The following KCNIP4 variants were observed in gnomAD, a reference collection of about 807,000 sequenced individuals.
The protein encoded by KCNIP4 is Kv channel-interacting protein 4.
A neutral mutation model predicts 34.0 loss-of-function variants in KCNIP4; 12 were observed. The observed-to-expected ratio is 0.35, with a 90% confidence interval of 0.23 to 0.57. The LOEUF is 0.57. KCNIP4 is among the 20% of genes least tolerant of loss of function. The probability of loss-of-function intolerance (pLI) is 0.83; values close to 1 mark genes in which losing one functional copy is unlikely to be tolerated. For synonymous variants in KCNIP4, 124 were observed against 102.2 expected, an observed-to-expected ratio of 1.21 and a Z score of -1.29; for missense variants, 238 against 311.7, an observed-to-expected ratio of 0.76 and a Z score of 1.78.
At chr4:21,657,603 A>G (rs868024727) in intron 1 of KCNIP4, among the ~76,000 whole-genome samples, 17 of 152,276 alleles carry the variant, frequency 1.1e-4, no homozygotes, top group Non-Finnish European at 2.4e-4. Context: ...TGTTTCTTCT[A>G]CTCCACAATG....
At chr4:20,732,889 T>G in intron 6 of KCNIP4, 104 bp from the exon 7 acceptor site, 2 of 695,082 alleles carry the variant, frequency 2.9e-6, no homozygotes, top group Non-Finnish European at 4.8e-6. Flanking sequence ...TTTTTGACTT[T>G]TTGTTTGTTG....
intron 1 of KCNIP4, among the ~76,000 whole-genome samples, chr4:20,967,657 CT>C (rs1734502477): frequency 6.6e-6 from 1 of 152,146 alleles, no homozygotes; most frequent in Non-Finnish European, 1.5e-5. Flanking sequence ...TTTGACAAAC[CT>C]GACAGAAACA....
At chr4:20,827,407 G>C (rs1333141816) in intron 3 of KCNIP4, among the ~76,000 whole-genome samples, 2 of 152,100 alleles carry the variant, frequency 1.3e-5, no homozygotes, top group Non-Finnish European at 2.9e-5. Flanking sequence ...GTCTCTCTGG[G>C]AATGCACATC....
intron 1 of KCNIP4, among the ~76,000 whole-genome samples, chr4:20,969,995 G>A (rs917884284): frequency 6.6e-5 from 10 of 150,984 alleles, no homozygotes; most frequent in African/African-American, 2.4e-4. Flanking sequence ...AGGCTGGAGT[G>A]CAGTTGTGCC....
At chr4:21,904,936 A>T (rs928899649) in intron 1 of KCNIP4, among the ~76,000 whole-genome samples, 2 of 152,166 alleles carry the variant, frequency 1.3e-5, no homozygotes, top group African/African-American at 4.8e-5. Context: ...CTTGAAAATC[A>T]CTTAACATAG....
intron 1 of KCNIP4, among the ~76,000 whole-genome samples, chr4:21,516,083 G>T (rs915707971): frequency 2.0e-5 from 3 of 152,142 alleles, no homozygotes; most frequent in Non-Finnish European, 4.4e-5. Context: ...CAAGAAACTG[G>T]TTGATGAATG....
intron 1 of KCNIP4, among the ~76,000 whole-genome samples, chr4:21,606,662 C>T (rs184371411): frequency 7.9e-5 from 12 of 152,166 alleles, no homozygotes; most frequent in Non-Finnish European, 1.6e-4. Context: ...GGCACCATTT[C>T]GGCTCACTGC....
At chr4:21,266,852 C>T (rs1428023154) in intron 1 of KCNIP4, among the ~76,000 whole-genome samples, 1 of 152,078 alleles carries the variant, frequency 6.6e-6, no homozygotes, top group African/African-American at 2.4e-5. Context: ...CATAATTTGG[C>T]TATAGTGAGG....
Position 21,607,029 on chromosome 4 carries a change from C to CT in KCNIP4, c.61+341541dup, listed in dbSNP as rs200444774. On this transcript the variant is annotated intron_variant, in intron 1 of 8. Transcript: ENST00000382152. The stretch of plus-strand genomic sequence containing the variant: ...ATCTTAATGTCAGCTAATTAGCAAC[C>CT]TTTTTTTTTTTTTATAATGTAGCAA... Among the ~76,000 whole-genome samples the CT allele has an allele frequency of 3.9e-3, 577 of 148,530 alleles. 5 individuals are homozygous for CT. The highest frequency in any genetic ancestry group is 0.013 in the African/African-American group (517 of 40,376).
intron 1 of KCNIP4, among the ~76,000 whole-genome samples, chr4:21,203,048 T>A (rs189286589): frequency 6.6e-6 from 1 of 152,360 alleles, no homozygotes; most frequent in African/African-American, 2.4e-5. Context: ...AATACTTGGC[T>A]ACTCTCCTGA....
intron 1 of KCNIP4, among the ~76,000 whole-genome samples, chr4:21,739,808 T>C (rs1016205635): frequency 1.3e-5 from 2 of 152,038 alleles, no homozygotes; most frequent in African/African-American, 4.8e-5. Flanking sequence ...GTTTCTCTCA[T>C]TAAAATATAA....
At chr4:21,823,383 G>T (rs1287001186) in intron 1 of KCNIP4, among the ~76,000 whole-genome samples, 1 of 147,244 alleles carries the variant, frequency 6.8e-6, no homozygotes, top group African/African-American at 2.7e-5. Context: ...TGCTAGAGGG[G>T]TTACAGAAAA....
chr4:21,147,955 A>AAAAAAAAAAT (rs1752490250), intron 1 of KCNIP4, among the ~76,000 whole-genome samples: 1 of 138,946 alleles, frequency 7.2e-6, no homozygotes, highest in Non-Finnish European at 1.6e-5. Flanking sequence ...AAAAAAAAAA[A>AAAAAAAAAAT]AAAAAGAAAA....
In KCNIP4 at chr4:21,088,277, CT is replaced by C. The variant is rs542165772; in HGVS notation, c.62-205569del. On this transcript the variant is annotated intron_variant, in intron 1 of 8. Coordinates refer to ENST00000382152, the MANE Select transcript of KCNIP4 (RefSeq NM_025221.6). ...CTGAGGCGTCTTGTGGGAGGTAGAACTTTTAAAGCTAAAATTAAGTTAGTTG... is the reference window on the plus strand; with the variant it reads ...CTGAGGCGTCTTGTGGGAGGTAGAACTTTAAAGCTAAAATTAAGTTAGTTG... Among the ~76,000 whole-genome samples, 27 of 152,212 alleles carry C rather than the reference CT, an allele frequency of 1.8e-4. No homozygotes were observed. The South Asian group carries it at 5.4e-3, about 30-fold the overall frequency.
At chr4:20,739,883 G>C (rs184795137) in intron 5 of KCNIP4, among the ~76,000 whole-genome samples, 1 of 152,134 alleles carries the variant, frequency 6.6e-6, no homozygotes, top group South Asian at 2.1e-4. Flanking sequence ...AATAAACAGC[G>C]TAGAGAAGAC....
chr4:21,465,839 G>A (rs1729880357), intron 1 of KCNIP4, among the ~76,000 whole-genome samples: 1 of 152,192 alleles, frequency 6.6e-6, no homozygotes, highest in Admixed American at 6.5e-5. Flanking sequence ...TTACATGTGA[G>A]TTCTCAGCTA....
chr4:21,107,231 C>T (rs1227313869), intron 1 of KCNIP4, among the ~76,000 whole-genome samples: 1 of 145,776 alleles, frequency 6.9e-6, no homozygotes, highest in Non-Finnish European at 1.5e-5. Flanking sequence ...GTGTGGGAGT[C>T]TAAGTCTCTT....
intron 1 of KCNIP4, among the ~76,000 whole-genome samples, chr4:21,698,404 T>G (rs1388529951): frequency 6.6e-6 from 1 of 152,178 alleles, no homozygotes; most frequent in Non-Finnish European, 1.5e-5. Context: ...TTTCTTCATA[T>G]TTCAAAAAGG....
intron 1 of KCNIP4, among the ~76,000 whole-genome samples, chr4:21,449,531 G>T (rs1728333183): frequency 6.6e-6 from 1 of 151,716 alleles, no homozygotes; most frequent in African/African-American, 2.4e-5. Flanking sequence ...TTTAAAAATT[G>T]CAACACTCAG....
Sources: allele counts gnomAD v4.1 joint callset (sites outside exome capture counted in the v4.1 genomes callset), GRCh38; gene constraint gnomAD v4.1.1; transcripts MANE v1.5; gene names NCBI Gene and HGNC (gene_info 2026-07-23, HGNC 2026-07-21).